Variants in DLG2 observed in about 807,000 individuals in gnomAD.
The protein encoded by DLG2 is disks large homolog 2.
A neutral mutation model predicts 132.5 loss-of-function variants in DLG2; 45 were observed. The ratio of observed to expected loss-of-function variants is 0.34; its 90% CI spans 0.27 to 0.44. The LOEUF (loss-of-function observed/expected upper bound fraction) is 0.44, where lower values mean the gene tolerates loss of function less well. Ranked by LOEUF, DLG2 falls within the 20% of genes least tolerant of loss-of-function variation. The pLI, the probability that DLG2 is intolerant of heterozygous loss-of-function variation, is 1.00. For missense variants in DLG2, 1,045 were observed against 1,196.9 expected (o/e 0.87, Z 1.87); for synonymous variants, 424 against 419.6 (o/e 1.01, Z -0.13).
chr11:84,898,508 G>A (rs1371325411), intron 6 of DLG2, among the ~76,000 whole-genome samples: 2 of 152,006 alleles, frequency 1.3e-5, no homozygotes, highest in African/African-American at 2.4e-5. Context: ...ACTAGCTTCT[G>A]TCCTTTCCCT....
At chr11:84,534,433 G>C (rs2099350538) in intron 7 of DLG2, 137 bp downstream of exon 7, 1 of 810,878 alleles carries the variant, frequency 1.2e-6, no homozygotes, top group South Asian at 1.8e-5. Context: ...CAATGCACAA[G>C]AAAGACCCTT....
At chr11:84,614,391 G>A (rs930096304) in intron 6 of DLG2, among the ~76,000 whole-genome samples, 3 of 152,144 alleles carry the variant, frequency 2.0e-5, no homozygotes, top group African/African-American at 7.2e-5. Flanking sequence ...GTAAAAGCCT[G>A]ACACACTTGT....
chr11:85,414,678 A>G (rs1480192925), intron 3 of DLG2, among the ~76,000 whole-genome samples: 2 of 151,898 alleles, frequency 1.3e-5, no homozygotes, highest in Non-Finnish European at 2.9e-5. Flanking sequence ...TGATCACTCT[A>G]TTGCTGTAAG....
At position 84,939,180 on chromosome 11, in the gene DLG2, T is replaced by C. The variant is rs191029666; in HGVS notation, c.357+172481A>G. ...CTCCCCAAAGATATTATAACAAGTA[T>C]ACAACTCAATTTGAGAGCCTGACTA... On this transcript the variant is annotated intron_variant, in intron 6 of 27. Transcript: ENST00000376104. 1.3e-3 allele frequency among the ~76,000 whole-genome samples: 203 copies of C among 152,208 alleles called. 1 individual carries two copies. The highest frequency in any genetic ancestry group is 4.8e-3 in the African/African-American group (198 of 41,552).
intron 18 of DLG2, among the ~76,000 whole-genome samples, chr11:83,656,886 C>A (rs2072627233): frequency 1.3e-5 from 2 of 152,148 alleles, no homozygotes; most frequent in Admixed American, 1.3e-4. Flanking sequence ...CCACCACTTG[C>A]TTCCCTCCAC....
At chr11:83,912,683 G>T (rs1291930096) in intron 15 of DLG2, among the ~76,000 whole-genome samples, 3 of 152,016 alleles carry the variant, frequency 2.0e-5, no homozygotes, top group Non-Finnish European at 2.9e-5. Flanking sequence ...TCTCAGGAAG[G>T]ATTCCTCCCA....
intron 18 of DLG2, chr11:83,645,868 A>C (rs964559397): frequency 2.0e-5 from 3 of 152,102 alleles, no homozygotes; most frequent in Non-Finnish European, 4.4e-5. Flanking sequence ...TTTGCTGGAA[A>C]ATTTATTCTC....
chr11:84,815,193 G>A (rs2076968157), intron 6 of DLG2, among the ~76,000 whole-genome samples: 1 of 152,096 alleles, frequency 6.6e-6, no homozygotes, highest in African/African-American at 2.4e-5. Flanking sequence ...AACTAAGAAA[G>A]AGGCTTTGCT....
chr11:83,640,429 A>T (rs1347502240), intron 18 of DLG2, among the ~76,000 whole-genome samples: 3 of 152,184 alleles, frequency 2.0e-5, no homozygotes, highest in Admixed American at 6.5e-5. Context: ...GTAAGGATGA[A>T]GCAGAAATGG....
intron 6 of DLG2, among the ~76,000 whole-genome samples, chr11:85,087,320 C>T (rs1007873793): frequency 6.6e-6 from 1 of 152,028 alleles, no homozygotes; most frequent in Non-Finnish European, 1.5e-5. Context: ...AGGAGGAATC[C>T]CATGGATAGA....
At chr11:83,655,869 GT>G (rs574812089) in intron 18 of DLG2, among the ~76,000 whole-genome samples, 2 of 152,290 alleles carry the variant, frequency 1.3e-5, no homozygotes, top group South Asian at 4.1e-4. Context: ...GTCACATACT[GT>G]TTTACTGTTT....
At chr11:84,505,593 G>A (rs1240857254) in intron 7 of DLG2, among the ~76,000 whole-genome samples, 1 of 152,116 alleles carries the variant, frequency 6.6e-6, no homozygotes, top group Admixed American at 6.5e-5. Context: ...AAATAAGGAT[G>A]CCAACATCTG....
At chr11:84,501,995 TA>T (rs2099207324) in intron 7 of DLG2, among the ~76,000 whole-genome samples, 1 of 152,270 alleles carries the variant, frequency 6.6e-6, no homozygotes, top group Admixed American at 6.5e-5. Context: ...GTTTCATCTG[TA>T]AAATGAGGAC....
intron 3 of DLG2, among the ~76,000 whole-genome samples, chr11:85,416,755 G>A (rs940091567): frequency 6.6e-6 from 1 of 152,136 alleles, no homozygotes; most frequent in Non-Finnish European, 1.5e-5. Flanking sequence ...TCTATTGTTG[G>A]TGTGTAGAAA....
intron 18 of DLG2, among the ~76,000 whole-genome samples, chr11:83,737,147 T>C (rs1455277590): frequency 6.6e-6 from 1 of 152,196 alleles, no homozygotes; most frequent in African/African-American, 2.4e-5. Context: ...GAATGGGACT[T>C]AGAACAAAAG....
At chr11:83,742,787 T>C (rs1041829144) in intron 18 of DLG2, among the ~76,000 whole-genome samples, 4 of 152,202 alleles carry the variant, frequency 2.6e-5, no homozygotes, top group Non-Finnish European at 5.9e-5. Context: ...TTAGAATTTT[T>C]CTGTCTTGAG....
chr11:83,926,263 C>G (rs950434779), intron 15 of DLG2, among the ~76,000 whole-genome samples: 1 of 152,248 alleles, frequency 6.6e-6, no homozygotes, highest in South Asian at 2.1e-4. Flanking sequence ...GCTGACTAAC[C>G]TTTATTCTTC....
chr11:85,572,946 C>T (rs1314312674), intron 3 of DLG2, among the ~76,000 whole-genome samples: 1 of 152,212 alleles, frequency 6.6e-6, no homozygotes, highest in Admixed American at 6.5e-5. Context: ...GGGCAGATCC[C>T]TCATGAATGG....
chr11:83,821,181 A>C (rs1468987280), intron 17 of DLG2, among the ~76,000 whole-genome samples: 1 of 152,192 alleles, frequency 6.6e-6, no homozygotes, highest in Non-Finnish European at 1.5e-5. Flanking sequence ...TGCTGCTTCA[A>C]GCTCTGCAGT....
Sources: allele counts gnomAD v4.1 joint callset (sites outside exome capture counted in the v4.1 genomes callset), GRCh38; gene constraint gnomAD v4.1.1; transcripts MANE v1.5; gene names NCBI Gene and HGNC (gene_info 2026-07-23, HGNC 2026-07-21).